The following ARHGAP28 variants were observed in gnomAD, a reference collection of about 807,000 sequenced individuals.
ARHGAP28 encodes the protein rho GTPase-activating protein 28.
A neutral mutation model predicts 90.7 loss-of-function variants in ARHGAP28; 56 were observed. That is an observed-to-expected ratio of 0.62 (90% CI 0.50 to 0.77). The LOEUF (loss-of-function observed/expected upper bound fraction) is 0.77. ARHGAP28 is among the 30% of genes least tolerant of loss of function. The pLI, the probability that ARHGAP28 is intolerant of heterozygous loss-of-function variation, is 0.00. For synonymous variants in ARHGAP28, 308 were observed against 323.3 expected (o/e 0.95, Z 0.51); for missense variants, 869 against 900.9 (o/e 0.96, Z 0.45).
At chr18:6,872,932 T>C (rs1353363770) in intron 7 of ARHGAP28, among the ~76,000 whole-genome samples, 1 of 152,158 alleles carries the variant, frequency 6.6e-6, no homozygotes, top group East Asian at 1.9e-4. Flanking sequence ...ACTAAAAGTC[T>C]CTTAAAGTGT....
At chr18:6,856,881 C>T (rs1309816282) in intron 4 of ARHGAP28, among the ~76,000 whole-genome samples, 1 of 152,096 alleles carries the variant, frequency 6.6e-6, no homozygotes, top group Non-Finnish European at 1.5e-5. Flanking sequence ...TTATGTCTGG[C>T]TTCTTTAATT....
chr18:6,895,887 G>T (rs1348251438), intron 15 of ARHGAP28, among the ~76,000 whole-genome samples: 1 of 152,134 alleles, frequency 6.6e-6, no homozygotes, highest in Admixed American at 6.5e-5. Flanking sequence ...TGACTCTAGG[G>T]AGTCCATTTA....
intron 1 of ARHGAP28, among the ~76,000 whole-genome samples, chr18:6,799,997 G>T (rs1384093769): frequency 6.6e-6 from 1 of 152,064 alleles, no homozygotes; most frequent in Non-Finnish European, 1.5e-5. Context: ...AATCTACAAA[G>T]AACCTAAGGA....
At position 6,855,302 on chromosome 18, in the gene ARHGAP28, G is replaced by T. The variant is rs191778693; in HGVS notation, c.636+4176G>T. Among the ~76,000 whole-genome samples the T allele has an allele frequency of 7.4e-3, 1,121 of 152,208 alleles. 9 individuals are homozygous for T. The highest frequency in any genetic ancestry group is 0.013 in the Non-Finnish European group (904 of 67,994). On this transcript the variant is annotated intron_variant, in intron 4 of 17. Transcript: ENST00000383472. ...ATTGGATGGTGCTTTTTCCAGGCCC[G>T]CCCATGGCCGCTCATGGACCAATCA...
chr18:6,798,436 T>C (rs1237441869), intron 1 of ARHGAP28, among the ~76,000 whole-genome samples: 2 of 152,068 alleles, frequency 1.3e-5, no homozygotes, highest in African/African-American at 4.8e-5. Context: ...TCAGGTGATC[T>C]GCCCGCCTCG....
At chr18:6,786,086 GA>G (rs1055685290) in intron 1 of ARHGAP28, among the ~76,000 whole-genome samples, 21 of 152,294 alleles carry the variant, frequency 1.4e-4, no homozygotes, top group African/African-American at 4.8e-4. Flanking sequence ...AATTGGGAGG[GA>G]GGTTTATGTC....
intron 1 of ARHGAP28, among the ~76,000 whole-genome samples, chr18:6,781,293 A>G (rs985318693): frequency 6.6e-6 from 1 of 152,128 alleles, no homozygotes; most frequent in Non-Finnish European, 1.5e-5. Flanking sequence ...GAGTGGATCT[A>G]TGGGGTGGCT....
intron 3 of ARHGAP28, among the ~76,000 whole-genome samples, chr18:6,847,807 G>A (rs1353585825): frequency 5.9e-5 from 9 of 152,142 alleles, no homozygotes; most frequent in Admixed American, 5.9e-4. Flanking sequence ...ACAGGATGCA[G>A]CAAATAGTCC....
At chr18:6,758,852 G>A (rs1407241269) in intron 1 of ARHGAP28, among the ~76,000 whole-genome samples, 1 of 152,122 alleles carries the variant, frequency 6.6e-6, no homozygotes, top group Admixed American at 6.6e-5. Flanking sequence ...GGCAAATCAG[G>A]AAATAGTGAT....
intron 1 of ARHGAP28, among the ~76,000 whole-genome samples, chr18:6,746,566 C>T (rs2056025140): frequency 6.6e-6 from 1 of 152,126 alleles, no homozygotes; most frequent in Non-Finnish European, 1.5e-5. Flanking sequence ...AATTAGTTTT[C>T]CAGAATACAG....
chr18:6,869,332 C>T (rs1483735612), intron 6 of ARHGAP28, among the ~76,000 whole-genome samples: 1 of 143,190 alleles, frequency 7.0e-6, no homozygotes, highest in East Asian at 2.1e-4. Flanking sequence ...ACGATCTCAG[C>T]TCACTGCAGC....
chr18:6,849,028 T>C (rs1179217274), intron 3 of ARHGAP28, among the ~76,000 whole-genome samples: 1 of 150,348 alleles, frequency 6.7e-6, no homozygotes, highest in Non-Finnish European at 1.5e-5. Context: ...GGCAGGAGGA[T>C]CTCTTGAGCC....
chr18:6,882,370 C>T, intron 11 of ARHGAP28, 71 bp downstream of exon 11: 2 of 1,449,144 alleles, frequency 1.4e-6, no homozygotes, highest in Non-Finnish European at 1.9e-6. Context: ...AAGAGAGATG[C>T]TGAATCAAAT....
At chr18:6,747,815 T>C (rs2143231377) in intron 1 of ARHGAP28, among the ~76,000 whole-genome samples, 1 of 152,312 alleles carries the variant, frequency 6.6e-6, no homozygotes, top group South Asian at 2.1e-4. Flanking sequence ...TCACATTTAG[T>C]AGAGACATAC....
chr18:6,830,086 A>G (rs372042447), intron 2 of ARHGAP28, among the ~76,000 whole-genome samples: 2 of 152,188 alleles, frequency 1.3e-5, no homozygotes, highest in African/African-American at 4.8e-5. Flanking sequence ...TCTTCTTCTT[A>G]TAAAGATACC....
intron 1 of ARHGAP28, chr18:6,790,496 AG>A (rs2056398972): frequency 1.3e-5 from 2 of 152,178 alleles, no homozygotes; most frequent in Non-Finnish European, 2.9e-5. Flanking sequence ...CAGAAGATAC[AG>A]GGAGAGTAGA....
chr18:6,779,892 C>T (rs935612798), intron 1 of ARHGAP28, among the ~76,000 whole-genome samples: 1 of 152,200 alleles, frequency 6.6e-6, no homozygotes, highest in African/African-American at 2.4e-5. Context: ...AAAGATAACT[C>T]GAAATGTCAC....
intron 1 of ARHGAP28, among the ~76,000 whole-genome samples, chr18:6,777,505 T>C (rs889089245): frequency 6.6e-6 from 1 of 152,094 alleles, no homozygotes; most frequent in Non-Finnish European, 1.5e-5. Flanking sequence ...GGAAGTTCAC[T>C]TGAGCTCAGG....
chr18:6,807,711 A>G (rs1032915743), intron 1 of ARHGAP28, among the ~76,000 whole-genome samples: 1 of 152,144 alleles, frequency 6.6e-6, no homozygotes, highest in Non-Finnish European at 1.5e-5. Flanking sequence ...TAGTTTCCAT[A>G]TATGAATTTG....
Sources: allele counts gnomAD v4.1 joint callset (sites outside exome capture counted in the v4.1 genomes callset), GRCh38; gene constraint gnomAD v4.1.1; transcripts MANE v1.5; gene names NCBI Gene and HGNC (gene_info 2026-07-23, HGNC 2026-07-21).